NHSL2: variants seen among roughly 807,000 people sequenced by gnomAD.
NHSL2 encodes NHS-like protein 2.
Under a neutral mutation model 53.4 loss-of-function variants are expected in NHSL2, and 27 were observed. The ratio of observed to expected loss-of-function variants is 0.51; its 90% CI spans 0.37 to 0.70. The LOEUF (loss-of-function observed/expected upper bound fraction) is 0.70. Among genes scored for constraint, NHSL2 ranks in the 30% least tolerant of loss-of-function variants. The probability of loss-of-function intolerance (pLI) is 0.00; values close to 1 mark genes in which losing one functional copy is unlikely to be tolerated. For synonymous variants in NHSL2, 408 were observed against 404.1 expected (o/e 1.01, Z -0.12); for missense variants, 892 against 980.1 (o/e 0.91, Z 1.20).
intron 1 of NHSL2, among the ~76,000 whole-genome samples, chrX:72,097,710 C>T: frequency 8.9e-6 from 1 of 111,974 alleles, no homozygotes; most frequent in Admixed American, 9.4e-5. Context: ...GACTGAGGTT[C>T]CCATCTGCCC....
At chrX:71,935,736 C>T (rs1212853967) in intron 1 of NHSL2, among the ~76,000 whole-genome samples, 2 of 112,024 alleles carry the variant, frequency 1.8e-5, no homozygotes, top group East Asian at 5.6e-4. Flanking sequence ...AGGCTGTGTG[C>T]TTGAGAGGGG....
chrX:71,956,149 C>T (rs1225597146), intron 1 of NHSL2, among the ~76,000 whole-genome samples: 2 of 112,036 alleles, frequency 1.8e-5, no homozygotes, highest in African/African-American at 3.2e-5. Flanking sequence ...CTCCCCACCC[C>T]GCTCTTCTTT....
rs1210697680 is a variant in NHSL2, at chrX:72,048,070, GATAACAATAATAATA to G, written c.281-84004_281-83990del. ...TAACTGTGCCTTTCACACTCATGAT[GATAACAATAATAATA>G]ATAATAATAATAATAATAATAATAA... On this transcript the variant is annotated intron_variant, in intron 1 of 7. Coordinates refer to ENST00000633930, the MANE Select transcript of NHSL2 (RefSeq NM_001013627.3). Among the ~76,000 whole-genome samples, 171 of 101,780 alleles carry G rather than the reference GATAACAATAATAATA, an allele frequency of 1.7e-3. 3 individuals are homozygous for G. Among genetic ancestry groups the G allele is most frequent in the Middle Eastern group, 4.9e-3 (1 of 204 alleles). The allele number at this position is 101,780 out of a possible 115,157, so 88.4% of individuals were successfully genotyped here. A position where few individuals can be genotyped will look rare whatever the true frequency, so the allele number is the denominator to read the frequency against.
At chrX:72,035,536 ATTTTTT>A (rs897889383) in intron 1 of NHSL2, among the ~76,000 whole-genome samples, 3 of 110,507 alleles carry the variant, frequency 2.7e-5, no homozygotes, top group Non-Finnish European at 3.8e-5. Flanking sequence ...TTTTATTTTT[ATTTTTT>A]GACACGGAGT....
chrX:72,031,736 G>GAAA (rs767564712), intron 1 of NHSL2, among the ~76,000 whole-genome samples: 3 of 53,150 alleles, frequency 5.6e-5, no homozygotes, highest in Admixed American at 2.3e-4. Context: ...ACCTCGCTTG[G>GAAA]AAAAAAAAAA....
chrX:71,939,909 A>G (rs1003080831), intron 1 of NHSL2, among the ~76,000 whole-genome samples: 5 of 112,053 alleles, frequency 4.5e-5, no homozygotes, highest in African/African-American at 1.6e-4. Context: ...TCTGTGGGAC[A>G]CTCAAGTGCA....
intron 1 of NHSL2, among the ~76,000 whole-genome samples, chrX:72,086,111 A>G (rs192206973): frequency 8.9e-6 from 1 of 112,027 alleles, no homozygotes; most frequent in African/African-American, 3.2e-5. Flanking sequence ...TAGGGAACCA[A>G]CAGTTGTTTT....
chrX:72,136,131 T>C (rs779131774), intron 4 of NHSL2, among the ~76,000 whole-genome samples: 2 of 111,381 alleles, frequency 1.8e-5, no homozygotes, highest in South Asian at 7.6e-4. Context: ...CGTGTGCAGC[T>C]GTGTGGCTGG....
chrX:72,116,627 CAG>C (rs1222732064), intron 1 of NHSL2, among the ~76,000 whole-genome samples: 2 of 111,936 alleles, frequency 1.8e-5, no homozygotes, highest in African/African-American at 3.3e-5. Context: ...CCACTCCACT[CAG>C]GGGCAGGGGC....
intron 4 of NHSL2, among the ~76,000 whole-genome samples, chrX:72,136,428 G>C (rs1390510450): frequency 8.9e-6 from 1 of 112,077 alleles, no homozygotes; most frequent in Non-Finnish European, 1.9e-5. Flanking sequence ...TATAATCTGT[G>C]TCAATAATTT....
chrX:72,152,408 A>C lies in NHSL2; in HGVS notation c.*8834A>C, dbSNP rs1282479929. The stretch of plus-strand genomic sequence containing the variant: ...ACACACACAGTCCAGCACCCTCATC[A>C]GTTCTCTGGTTTAGGTCCAGATCTG... On this transcript the variant is annotated 3_prime_UTR_variant, in exon 8 of 8. Coordinates refer to ENST00000633930, the MANE Select transcript of NHSL2 (RefSeq NM_001013627.3). 1 of 67,986 alleles carries C rather than the reference A, an allele frequency of 1.5e-5. No individual in the cohort carries two copies. Among genetic ancestry groups the C allele is most frequent in the Non-Finnish European group, 4.0e-5 (1 of 25,253 alleles). The allele number at this position is 67,986 out of a possible 1,213,427, so 5.6% of individuals were successfully genotyped here.
chrX:72,055,092 A>G (rs912728051), intron 1 of NHSL2, among the ~76,000 whole-genome samples: 1 of 111,717 alleles, frequency 9.0e-6, no homozygotes, highest in African/African-American at 3.3e-5. Flanking sequence ...AACTTCAAGT[A>G]TTGGAGGCTA....
At chrX:72,087,458 A>G (rs2041858671) in intron 1 of NHSL2, among the ~76,000 whole-genome samples, 1 of 112,787 alleles carries the variant, frequency 8.9e-6, no homozygotes, top group African/African-American at 3.2e-5. Flanking sequence ...AACATTGTGA[A>G]TAGGTTTCAT....
intron 1 of NHSL2, among the ~76,000 whole-genome samples, chrX:72,025,465 C>T (rs1041256344): frequency 3.6e-5 from 4 of 112,077 alleles, no homozygotes; most frequent in African/African-American, 1.3e-4. Context: ...GATTATCCCA[C>T]TTGACACACA....
At chrX:71,964,070 T>TATATA (rs2041889666) in intron 1 of NHSL2, among the ~76,000 whole-genome samples, 12 of 92,953 alleles carry the variant, frequency 1.3e-4, no homozygotes, top group Non-Finnish European at 1.9e-4. Context: ...TATATATATA[T>TATATA]TATTATTATT....
At chrX:72,131,773 A>G in intron 1 of NHSL2, 1 of 226,189 alleles carries the variant, frequency 4.4e-6, no homozygotes, top group Non-Finnish European at 7.6e-6. Flanking sequence ...GGGGCCGGAG[A>G]GGGCGGGCGG....
At chrX:72,026,830 C>T (rs1401646173) in intron 1 of NHSL2, among the ~76,000 whole-genome samples, 1 of 112,221 alleles carries the variant, frequency 8.9e-6, no homozygotes, top group African/African-American at 3.2e-5. Flanking sequence ...TCCACCATCA[C>T]CCAACCCAGC....
At chrX:72,038,832 G>C (rs1422937135) in intron 1 of NHSL2, among the ~76,000 whole-genome samples, 1 of 111,172 alleles carries the variant, frequency 9.0e-6, no homozygotes, top group Non-Finnish European at 1.9e-5. Context: ...GGACATAATG[G>C]TATATATAGG....
At chrX:71,967,203 C>G (rs575441996) in intron 1 of NHSL2, among the ~76,000 whole-genome samples, 1 of 111,041 alleles carries the variant, frequency 9.0e-6, no homozygotes, top group Admixed American at 9.6e-5. Context: ...TAGCTAGAGG[C>G]TTATTGATTT....
Sources: allele counts gnomAD v4.1 joint callset (sites outside exome capture counted in the v4.1 genomes callset), GRCh38; gene constraint gnomAD v4.1.1; transcripts MANE v1.5; gene names NCBI Gene and HGNC (gene_info 2026-07-23, HGNC 2026-07-21).